OXCT1: variants seen among roughly 807,000 people sequenced by gnomAD.
OXCT1 encodes 3-oxoacid CoA-transferase 1.
A neutral mutation model predicts 69.6 loss-of-function variants in OXCT1; 27 were observed. The observed-to-expected ratio is 0.39, with a 90% confidence interval of 0.29 to 0.54. OXCT1 has a LOEUF of 0.54. Among genes scored for constraint, OXCT1 ranks in the 20% least tolerant of loss-of-function variants. OXCT1 has a pLI of 0.72. For missense variants in OXCT1, 437 were observed against 650.2 expected, an observed-to-expected ratio of 0.67 and a Z score of 3.57; for synonymous variants, 202 against 217.8, an observed-to-expected ratio of 0.93 and a Z score of 0.64.
Position 41,861,350 on chromosome 5 carries a change from C to T in OXCT1, c.242G>A (p.Gly81Glu). 1 of 1,612,444 alleles carries T rather than the reference C, an allele frequency of 6.2e-7. No homozygotes were observed. Among genetic ancestry groups the T allele is most frequent in the South Asian group, 1.1e-5 (1 of 91,054 alleles). Residue 81 changes from glycine to glutamate, a missense_variant, in exon 3 of 17, where the codon GGA becomes GAA. Around this residue, in one of 4 missense-constraint regions of OXCT1, gnomAD observed 252 missense variants for 397.4 expected, o/e 0.63. Coordinates refer to ENST00000196371, the MANE Select transcript of OXCT1 (RefSeq NM_000436.4). The stretch of plus-strand genomic sequence containing the variant: ...GCTGACTGCAGTTAGTCCTTTTACT[C>T]CAGTTTTCAGTAAAGCATCTATAAG... ...ENLIDALLKT[G>E]VKGLTAVSNN...
At chr5:41,779,705 A>C (rs1745302675) in intron 13 of OXCT1, among the ~76,000 whole-genome samples, 1 of 152,122 alleles carries the variant, frequency 6.6e-6, no homozygotes, top group Non-Finnish European at 1.5e-5. Context: ...TTTTCATGTA[A>C]AGTTTAGAAA....
At chr5:41,793,241 G>A (rs549418760) in intron 13 of OXCT1, among the ~76,000 whole-genome samples, 1 of 152,272 alleles carries the variant, frequency 6.6e-6, no homozygotes, top group South Asian at 2.1e-4. Context: ...TTGTTCTATA[G>A]AGAAACATAT....
chr5:41,819,458 C>A (rs1747429748), intron 7 of OXCT1, among the ~76,000 whole-genome samples: 1 of 152,222 alleles, frequency 6.6e-6, no homozygotes, highest in Non-Finnish European at 1.5e-5. Flanking sequence ...GCAACCTCCG[C>A]CTCCCGGGTT....
intron 4 of OXCT1, among the ~76,000 whole-genome samples, chr5:41,853,140 C>A (rs1299119405): frequency 6.6e-6 from 1 of 152,120 alleles, no homozygotes; most frequent in African/African-American, 2.4e-5. Context: ...TCCAGCAAAT[C>A]CTTTTGTATG....
chr5:41,860,475 G>A (rs1749680698), intron 3 of OXCT1, among the ~76,000 whole-genome samples: 1 of 152,078 alleles, frequency 6.6e-6, no homozygotes, highest in African/African-American at 2.4e-5. Flanking sequence ...TGAGAGATGT[G>A]GATAGACAGG....
intron 12 of OXCT1, 130 bp downstream of exon 12, chr5:41,794,547 G>C (rs1746083565): frequency 2.5e-6 from 2 of 815,342 alleles, no homozygotes; most frequent in Non-Finnish European, 4.0e-6. Context: ...ACACCCTGCA[G>C]CCGAACAAAC....
At chr5:41,869,978 GCGCCA>G in intron 1 of OXCT1, 1 of 439,938 alleles carries the variant, frequency 2.3e-6, no homozygotes, top group South Asian at 2.1e-5. Context: ...AAGCCGACGA[GCGCCA>G]AAGGGCTCGG....
rs181325049 is a variant in OXCT1 at position 41,738,522 on chromosome 5, T to C, written c.1521+868A>G. Among the ~76,000 whole-genome samples, 499 of 152,332 alleles carry C rather than the reference T, an allele frequency of 3.3e-3. 1 individual carries two copies. The highest frequency in any genetic ancestry group is 0.011 in the African/African-American group (470 of 41,574). On this transcript the variant is annotated intron_variant, in intron 16 of 16. Transcript: ENST00000196371. ...GCTTCTCCTTCACCTTCTGCCATGA[T>C]TGTGAGGCCTCCCCAGCCATGTGGA...
At chr5:41,761,077 A>G (rs1228917973) in intron 14 of OXCT1, among the ~76,000 whole-genome samples, 1 of 152,166 alleles carries the variant, frequency 6.6e-6, no homozygotes, top group Non-Finnish European at 1.5e-5. Flanking sequence ...ATGATAAAGA[A>G]TAAAGGAGGA....
At chr5:41,856,420 T>C (rs572894125) in intron 3 of OXCT1, among the ~76,000 whole-genome samples, 36 of 152,274 alleles carry the variant, frequency 2.4e-4, no homozygotes, top group African/African-American at 8.2e-4. Flanking sequence ...GTTAAGTATG[T>C]GACAAACCAC....
chr5:41,820,844 C>G (rs1747511597), intron 7 of OXCT1, among the ~76,000 whole-genome samples: 1 of 152,098 alleles, frequency 6.6e-6, no homozygotes, highest in Non-Finnish European at 1.5e-5. Flanking sequence ...TCTTGTTTAT[C>G]TGCATAAACA....
chr5:41,815,330 C>T (rs1747186736), intron 7 of OXCT1, among the ~76,000 whole-genome samples: 2 of 152,108 alleles, frequency 1.3e-5, no homozygotes, highest in African/African-American at 2.4e-5. Context: ...ATTGATTAGA[C>T]TAACACTTTA....
intron 13 of OXCT1, among the ~76,000 whole-genome samples, chr5:41,784,047 T>G (rs1745534663): frequency 6.6e-6 from 1 of 152,210 alleles, no homozygotes; most frequent in African/African-American, 2.4e-5. Context: ...GCTAATGAAT[T>G]TGCTTTTGTT....
intron 7 of OXCT1, among the ~76,000 whole-genome samples, chr5:41,807,894 G>A (rs1365129919): frequency 6.6e-6 from 1 of 151,940 alleles, no homozygotes; most frequent in African/African-American, 2.4e-5. Context: ...TTTAAATATA[G>A]ATACAAATGC....
At chr5:41,770,323 C>T (rs956113878) in intron 13 of OXCT1, among the ~76,000 whole-genome samples, 8 of 152,094 alleles carry the variant, frequency 5.3e-5, no homozygotes, top group African/African-American at 1.9e-4. Flanking sequence ...AAAACTTCAC[C>T]TCAGGAAGTT....
At chr5:41,833,656 T>C (rs1748209911) in intron 7 of OXCT1, among the ~76,000 whole-genome samples, 1 of 152,200 alleles carries the variant, frequency 6.6e-6, no homozygotes, top group Admixed American at 6.5e-5. Flanking sequence ...TAAACACTCT[T>C]AAGCATAAAG....
chr5:41,769,385 C>T (rs950433205), intron 13 of OXCT1, among the ~76,000 whole-genome samples: 4 of 152,080 alleles, frequency 2.6e-5, no homozygotes, highest in Non-Finnish European at 5.9e-5. Flanking sequence ...TTTCTCACAT[C>T]TGTTCTGATT....
chr5:41,749,400 C>A lies in OXCT1; in HGVS notation c.1419+127G>T, dbSNP rs116606061. 1,538 of 643,832 alleles carry A rather than the reference C, an allele frequency of 2.4e-3. 21 individuals carry two copies. The highest frequency in any genetic ancestry group is 0.023 in the African/African-American group (1,272 of 54,338). 39.9% of individuals were successfully genotyped at this position (643,832 alleles called of 1,614,324 possible). A position where few individuals can be genotyped will look rare whatever the true frequency, so the allele number is the denominator to read the frequency against. ...TAGAAACATTAAATTGATGAGCTTTCCTATTCGTTCTGCCCACAGACTAAA... is the reference window on the plus strand; with the variant it reads ...TAGAAACATTAAATTGATGAGCTTTACTATTCGTTCTGCCCACAGACTAAA... On this transcript the variant is annotated intron_variant, in intron 15 of 16. Coordinates refer to ENST00000196371, the MANE Select transcript of OXCT1 (RefSeq NM_000436.4).
intron 1 of OXCT1, among the ~76,000 whole-genome samples, chr5:41,864,855 G>T (rs974743084): frequency 1.3e-5 from 2 of 152,122 alleles, no homozygotes; most frequent in African/African-American, 4.8e-5. Flanking sequence ...TAACTCTGCT[G>T]TCATTACCTC....
Sources: allele counts gnomAD v4.1 joint callset (sites outside exome capture counted in the v4.1 genomes callset), GRCh38; gene constraint gnomAD v4.1.1; regional missense constraint gnomAD v4.1.1; transcripts MANE v1.5; gene names NCBI Gene and HGNC (gene_info 2026-07-23, HGNC 2026-07-21).